ADARB2: variants seen among roughly 807,000 people sequenced by gnomAD.
The protein encoded by ADARB2 is adenosine deaminase RNA specific B2 (inactive), also known as inactive double-stranded RNA-specific editase B2.
Under a neutral mutation model 62.2 loss-of-function variants are expected in ADARB2, and 25 were observed. The ratio of observed to expected loss-of-function variants is 0.40; its 90% CI spans 0.29 to 0.56. The LOEUF is 0.56. Among genes scored for constraint, ADARB2 ranks in the 20% least tolerant of loss-of-function variants. The pLI is 0.43. For missense variants in ADARB2, 1,071 were observed against 1,077.4 expected (o/e 0.99, Z 0.08); for synonymous variants, 572 against 500.8 (o/e 1.14, Z -1.90).
chr10:1,233,278 C>A (rs890187278), intron 6 of ADARB2, among the ~76,000 whole-genome samples: 1 of 152,240 alleles, frequency 6.6e-6, no homozygotes, highest in South Asian at 2.1e-4. Flanking sequence ...CAGGGAATCA[C>A]TCATCCCTGG....
At chr10:1,722,584 C>T (rs551792866) in intron 1 of ADARB2, among the ~76,000 whole-genome samples, 25 of 152,276 alleles carry the variant, frequency 1.6e-4, no homozygotes, top group East Asian at 5.8e-4. Flanking sequence ...CGGGTTTTAT[C>T]GAATGAATAA....
chr10:1,662,757 C>T (rs903322152), intron 1 of ADARB2, among the ~76,000 whole-genome samples: 3 of 152,194 alleles, frequency 2.0e-5, no homozygotes, highest in Non-Finnish European at 2.9e-5. Context: ...CACATCATTT[C>T]CGCTCCTGCT....
rs1831080169 is a variant in ADARB2 at position 1,256,464 on chromosome 10, G to T, written c.1193-14165C>A. Reference sequence around the variant, plus strand: ...CGCCTGCCACCACTGTCTGGCATGTGGGCCACTGTTGGTTACTGAGACAAT... The same window carrying T: ...CGCCTGCCACCACTGTCTGGCATGTTGGCCACTGTTGGTTACTGAGACAAT... On this transcript the variant is annotated intron_variant, in intron 4 of 9. Coordinates refer to ENST00000381312, the MANE Select transcript of ADARB2 (RefSeq NM_018702.4). 2.0e-5 allele frequency among the ~76,000 whole-genome samples: 3 copies of T among 152,274 alleles called. No individual in the cohort carries two copies. In the South Asian group the frequency reaches 6.2e-4, roughly 32 times the overall value.
chr10:1,510,220 G>C (rs1039465355), intron 1 of ADARB2, among the ~76,000 whole-genome samples: 1 of 145,950 alleles, frequency 6.9e-6, no homozygotes, highest in Admixed American at 7.2e-5. Flanking sequence ...TCGCTCTGTT[G>C]CCCAGGCTGG....
At chr10:1,271,518 G>C (rs1831262405) in intron 3 of ADARB2, among the ~76,000 whole-genome samples, 1 of 152,190 alleles carries the variant, frequency 6.6e-6, no homozygotes, top group Non-Finnish European at 1.5e-5. Flanking sequence ...CTGGCGCTGT[G>C]GCTCTCTCCA....
intron 1 of ADARB2, among the ~76,000 whole-genome samples, chr10:1,436,648 A>C (rs1830837944): frequency 6.6e-6 from 1 of 152,244 alleles, no homozygotes; most frequent in Non-Finnish European, 1.5e-5. Context: ...ATGTTAATGC[A>C]CACAGATACA....
chr10:1,233,461 A>G (rs1024983584), intron 6 of ADARB2, among the ~76,000 whole-genome samples: 2 of 152,178 alleles, frequency 1.3e-5, no homozygotes, highest in South Asian at 2.1e-4. Flanking sequence ...AACTATGGCA[A>G]TTAGGTAGCT....
At chr10:1,589,987 G>A (rs1833231287) in intron 1 of ADARB2, among the ~76,000 whole-genome samples, 1 of 152,224 alleles carries the variant, frequency 6.6e-6, no homozygotes, top group Admixed American at 6.5e-5. Context: ...GCTCCTCTGG[G>A]AGCCAGGCTG....
chr10:1,363,933 G>C lies in ADARB2; in HGVS notation c.188-16C>G, dbSNP rs1336209017. 6.9e-7 allele frequency: 1 copy of C among 1,442,720 alleles called. No homozygotes were observed. Among genetic ancestry groups the C allele is most frequent in the Non-Finnish European group, 9.0e-7 (1 of 1,108,154 alleles). The allele number at this position is 1,442,720 out of a possible 1,614,324, so 89.4% of individuals were successfully genotyped here. A position where few individuals can be genotyped will look rare whatever the true frequency, so the allele number is the denominator to read the frequency against. The stretch of plus-strand genomic sequence containing the variant: ...CTGCTGGTACCTGGAGGGGAGAACA[G>C]ACCAGTCAGGAGCCTGGGCGGGCGC... On this transcript the variant is annotated splice_polypyrimidine_tract_variant and intron_variant, in intron 2 of 9. Coordinates refer to ENST00000381312, the MANE Select transcript of ADARB2 (RefSeq NM_018702.4).
rs10903544 is a variant in ADARB2, at chr10:1,699,288, G to A, written c.100+37763C>T. On this transcript the variant is annotated intron_variant, in intron 1 of 9. Coordinates refer to ENST00000381312, the MANE Select transcript of ADARB2 (RefSeq NM_018702.4). ...GGAGACCGGGCACTCGCCAATACAC[G>A]CAATCCCACTCCACCGGGAGACCAG... is the stretch of plus-strand genomic sequence containing the variant. Among the ~76,000 whole-genome samples, 5 of 23,356 alleles carry A rather than the reference G, an allele frequency of 2.1e-4. 2 individuals carry two copies. The highest frequency in any genetic ancestry group is 3.4e-4 in the Non-Finnish European group (4 of 11,736). 15.3% of individuals were successfully genotyped at this position (23,356 alleles called of 152,430 possible). A position where few individuals can be genotyped will look rare whatever the true frequency, so the allele number is the denominator to read the frequency against.
chr10:1,258,670 A>G (rs1214960052), intron 4 of ADARB2, among the ~76,000 whole-genome samples: 1 of 152,214 alleles, frequency 6.6e-6, no homozygotes, highest in Non-Finnish European at 1.5e-5. Context: ...GTGACCTACA[A>G]AGAGACTTAG....
At chr10:1,478,118 CAG>C (rs1831424772) in intron 1 of ADARB2, among the ~76,000 whole-genome samples, 1 of 152,244 alleles carries the variant, frequency 6.6e-6, no homozygotes, top group Non-Finnish European at 1.5e-5. Flanking sequence ...CCCTAACAGG[CAG>C]AGACTCCAGT....
chr10:1,521,518 G>A (rs1236307474), intron 1 of ADARB2, among the ~76,000 whole-genome samples: 5 of 152,202 alleles, frequency 3.3e-5, no homozygotes, highest in African/African-American at 1.2e-4. Flanking sequence ...GGAAGTCGGG[G>A]TCAGACATGC....
intron 3 of ADARB2, among the ~76,000 whole-genome samples, chr10:1,357,244 A>G (rs1588230322): frequency 6.6e-6 from 1 of 152,124 alleles, no homozygotes; most frequent in East Asian, 1.9e-4. Context: ...GCCAGAGGGG[A>G]CTTCAATATT....
chr10:1,216,736 G>A, intron 7 of ADARB2: 1 of 640,680 alleles, frequency 1.6e-6, no homozygotes, highest in East Asian at 3.2e-5. Context: ...TCGGGTGGCA[G>A]GGCCTTGCTC....
intron 3 of ADARB2, among the ~76,000 whole-genome samples, chr10:1,338,388 A>C (rs1589196729): frequency 6.6e-6 from 1 of 152,110 alleles, no homozygotes; most frequent in East Asian, 1.9e-4. Context: ...TTCATTTTTG[A>C]AACCATTTTT....
intron 1 of ADARB2, among the ~76,000 whole-genome samples, chr10:1,630,037 G>T (rs976606684): frequency 6.6e-6 from 1 of 152,136 alleles, no homozygotes; most frequent in African/African-American, 2.4e-5. Context: ...GGCACTTCAT[G>T]GCCACCTAGA....
intron 1 of ADARB2, among the ~76,000 whole-genome samples, chr10:1,417,641 G>C (rs943806865): frequency 6.6e-6 from 1 of 152,184 alleles, no homozygotes; most frequent in Non-Finnish European, 1.5e-5. Flanking sequence ...CTTTTGTCTG[G>C]GTTCTGTATT....
intron 6 of ADARB2, among the ~76,000 whole-genome samples, chr10:1,224,346 T>A (rs1379664998): frequency 1.4e-5 from 2 of 146,548 alleles, no homozygotes; most frequent in Non-Finnish European, 3.0e-5. Context: ...TAGTGGTCTA[T>A]CACATTTTGT....
Sources: gnomAD v4.1 joint callset for allele counts (sites outside exome capture counted in the v4.1 genomes callset) on GRCh38, gnomAD v4.1.1 for gene constraint, MANE v1.5 for transcripts, NCBI Gene and HGNC (gene_info 2026-07-23, HGNC 2026-07-21) for gene names.